Variants in USP8 observed in about 807,000 individuals in gnomAD.
USP8 encodes the protein ubiquitin carboxyl-terminal hydrolase 8.
In USP8, 27 loss-of-function variants were observed where a neutral mutation model predicts 130.0. That is an observed-to-expected ratio of 0.21 (90% CI 0.15 to 0.29). USP8 has a LOEUF of 0.29. USP8 is among the 10% of genes least tolerant of loss of function. The pLI, the probability that USP8 is intolerant of heterozygous loss-of-function variation, is 1.00. For synonymous variants in USP8, 392 were observed against 444.1 expected (o/e 0.88, Z 1.48); for missense variants, 1,029 against 1,312.2 (o/e 0.78, Z 3.33).
At chr15:50,441,865 G>T (rs567302261) in intron 3 of USP8, among the ~76,000 whole-genome samples, 1 of 151,250 alleles carries the variant, frequency 6.6e-6, no homozygotes, top group South Asian at 2.1e-4. Flanking sequence ...TAAGAGTCAA[G>T]GTTTAGTCTC....
At chr15:50,493,971 G>T (rs372285761) in intron 15 of USP8, 99 bp from the exon 16 acceptor site, 2 of 1,303,800 alleles carry the variant, frequency 1.5e-6, no homozygotes, top group African/African-American at 2.9e-5. Context: ...TAGTGCTACA[G>T]TATGTGAATA....
intron 14 of USP8, among the ~76,000 whole-genome samples, 163 bp downstream of exon 14, chr15:50,490,688 ATGT>A (rs1258598776): frequency 3.3e-5 from 5 of 152,196 alleles, no homozygotes; most frequent in East Asian, 1.9e-4. Context: ...AATAGAGAAA[ATGT>A]TGTTGGTTTT....
Position 50,504,565 on chromosome 15 carries a change from A to T in USP8, c.*5477A>T, listed in dbSNP as rs1391578680. The T allele has an allele frequency of 6.6e-6, 1 of 152,264 alleles. No individual in the cohort carries two copies. The highest frequency in any genetic ancestry group is 1.5e-5 in the Non-Finnish European group (1 of 68,092). The allele number at this position is 152,264 out of a possible 1,614,324, so 9.4% of individuals were successfully genotyped here. On this transcript the variant is annotated 3_prime_UTR_variant, in exon 20 of 20. Transcript: ENST00000307179. The stretch of plus-strand genomic sequence containing the variant: ...AACACCAGAAAAGACACCATTTTAT[A>T]TAGGGCCCTTGAGCATCTGTGGATT...
At chr15:50,487,368 G>C (rs1423865059) in intron 12 of USP8, among the ~76,000 whole-genome samples, 3 of 151,844 alleles carry the variant, frequency 2.0e-5, no homozygotes, top group African/African-American at 7.3e-5. Context: ...AATGAAGAGA[G>C]AGAGAGAGAG....
intron 4 of USP8, among the ~76,000 whole-genome samples, chr15:50,455,248 T>C (rs1218613011): frequency 6.6e-6 from 1 of 151,080 alleles, no homozygotes; most frequent in Non-Finnish European, 1.5e-5. Flanking sequence ...GTTAGTTTTT[T>C]TGTGTTTTTT....
chr15:50,482,156 C>T, intron 11 of USP8, 91 bp downstream of exon 11: 1 of 1,216,600 alleles, frequency 8.2e-7, no homozygotes, highest in Non-Finnish European at 1.1e-6. Context: ...AAAGGGCAGG[C>T]ATTTCAAATA....
At chr15:50,453,859 T>C (rs1401379705) in intron 4 of USP8, among the ~76,000 whole-genome samples, 1 of 123,838 alleles carries the variant, frequency 8.1e-6, no homozygotes, top group East Asian at 2.4e-4. Flanking sequence ...CTGGGAATAT[T>C]CTTTTTTTTT....
intron 16 of USP8, among the ~76,000 whole-genome samples, chr15:50,495,061 C>G (rs1427805381): frequency 6.6e-6 from 1 of 150,884 alleles, no homozygotes; most frequent in Non-Finnish European, 1.5e-5. Flanking sequence ...CCAAATGACT[C>G]ATGTGACTAG....
chr15:50,449,201 C>CT (rs2050535136), intron 3 of USP8, among the ~76,000 whole-genome samples, 199 bp from the exon 4 acceptor site: 1 of 152,114 alleles, frequency 6.6e-6, no homozygotes, highest in Non-Finnish European at 1.5e-5. Flanking sequence ...TTTTAACTTA[C>CT]TAATGGTATG....
In USP8 at chr15:50,490,286, C is replaced by T. The variant is rs2141317265; in HGVS notation, c.1995C>T (p.Thr665=). Reference sequence around the variant, plus strand: ...AGTTTCTTGACCCAATCACTGGAACCTTTCGTTATTATCATTCACCCACCA... The same window carrying T: ...AGTTTCTTGACCCAATCACTGGAACTTTTCGTTATTATCATTCACCCACCA... ...WAKFLDPITG[T]FRYYHSPTNT... is the part of the protein sequence containing the mutation. The change falls in exon 14 of 20, where the codon ACC becomes ACT. Residue 665 remains threonine (T), a synonymous_variant. Transcript: ENST00000307179. 6.2e-7 allele frequency: 1 copy of T among 1,612,460 alleles called. No homozygotes were observed. Among genetic ancestry groups the T allele is most frequent in the Non-Finnish European group, 8.5e-7 (1 of 1,179,546 alleles).
rs973100041 is a variant in USP8, at chr15:50,491,551, G to A, written c.2234+1026G>A. On this transcript the variant is annotated intron_variant, in intron 14 of 19. Coordinates refer to ENST00000307179, the MANE Select transcript of USP8 (RefSeq NM_005154.5). ...TATATATTGAACAGAAAAAGCACAC[G>A]AGTACATGCACCTGAGTACAGGTAA... Among the ~76,000 whole-genome samples, 4 of 152,058 alleles carry A rather than the reference G, an allele frequency of 2.6e-5. No homozygotes were observed. The East Asian group carries it at 5.8e-4, about 22-fold the overall frequency.
Position 50,502,134 on chromosome 15 carries a change from G to GTC in USP8, c.*3054_*3055dup, listed in dbSNP as rs1265157312. The GTC allele has an allele frequency of 6.6e-6, 1 of 152,194 alleles. No individual in the cohort carries two copies. 9.4% of individuals were successfully genotyped at this position (152,194 alleles called of 1,614,324 possible). ...CTTATTTTTAATTTTTTGAGATGGA[G>GTC]TCTCTCTCTGTTGCCCAGGCTGGAA... On this transcript the variant is annotated 3_prime_UTR_variant, in exon 20 of 20. Coordinates refer to ENST00000307179, the MANE Select transcript of USP8 (RefSeq NM_005154.5).
intron 12 of USP8, among the ~76,000 whole-genome samples, chr15:50,488,982 G>T (rs1266209893): frequency 6.6e-6 from 1 of 152,052 alleles, no homozygotes; most frequent in Non-Finnish European, 1.5e-5. Context: ...CTCGCAAAGT[G>T]CTGGATTACA....
At position 50,511,280 on chromosome 15, in the gene USP8, G is replaced by A. The variant is rs2052736559; in HGVS notation, c.*12192G>A. On this transcript the variant is annotated 3_prime_UTR_variant, in exon 20 of 20. Transcript: ENST00000307179. The stretch of plus-strand genomic sequence containing the variant: ...AAAAATGAGAGGCAGTAACAAGTTC[G>A]GTTGAGGATGTGGGGAAACTGGAAC... The A allele has an allele frequency of 6.6e-6, 1 of 152,154 alleles. No homozygotes were observed. The highest frequency in any genetic ancestry group is 1.9e-4 in the East Asian group (1 of 5,200). The allele number at this position is 152,154 out of a possible 1,614,324, so 9.4% of individuals were successfully genotyped here.
chr15:50,451,552 C>T (rs2050629601), intron 4 of USP8, among the ~76,000 whole-genome samples: 1 of 152,200 alleles, frequency 6.6e-6, no homozygotes, highest in Non-Finnish European at 1.5e-5. Context: ...CCTCTGGGTC[C>T]TTTCCAATTC....
At chr15:50,443,100 A>G (rs2050313297) in intron 3 of USP8, among the ~76,000 whole-genome samples, 2 of 151,318 alleles carry the variant, frequency 1.3e-5, no homozygotes. Context: ...GTGCGGTGGC[A>G]CATTCTCAGC....
At chr15:50,456,472 C>T (rs887184222) in intron 4 of USP8, among the ~76,000 whole-genome samples, 4 of 151,074 alleles carry the variant, frequency 2.6e-5, no homozygotes, top group Admixed American at 2.0e-4. Flanking sequence ...ACTCGAGAGG[C>T]GGAGGCAAGG....
At chr15:50,477,578 G>A in intron 10 of USP8, 79 bp downstream of exon 10, 8 of 1,325,050 alleles carry the variant, frequency 6.0e-6, no homozygotes, top group South Asian at 1.4e-5. Flanking sequence ...AGTGCCTCAC[G>A]CCTGTAATCC....
chr15:50,445,564 A>AAAAAAAAAAAAAAAAAAAAAC (rs1595913297), intron 3 of USP8, among the ~76,000 whole-genome samples: 1 of 106,662 alleles, frequency 9.4e-6, no homozygotes, highest in Non-Finnish European at 1.9e-5. Context: ...AAAAAAAAAA[A>AAAAAAAAAAAAAAAAAAAAAC]AAAAAGCCTG....
Sources: allele counts gnomAD v4.1 joint callset (sites outside exome capture counted in the v4.1 genomes callset), GRCh38; gene constraint gnomAD v4.1.1; transcripts MANE v1.5; gene names NCBI Gene and HGNC (gene_info 2026-07-23, HGNC 2026-07-21).